The following GRM8 variants were observed in gnomAD, a reference collection of about 807,000 sequenced individuals.
The protein encoded by GRM8 is metabotropic glutamate receptor 8.
In GRM8, 47 loss-of-function variants were observed where a neutral mutation model predicts 87.2. The ratio of observed to expected loss-of-function variants is 0.54; its 90% CI spans 0.43 to 0.69. The LOEUF (loss-of-function observed/expected upper bound fraction) is 0.69, where lower values mean the gene tolerates loss of function less well. GRM8 is among the 30% of genes least tolerant of loss of function. GRM8 has a pLI of 0.00. For missense variants in GRM8, 1,019 were observed against 1,139.2 expected (o/e 0.89, Z 1.52); for synonymous variants, 396 against 404.5 (o/e 0.98, Z 0.25).
intron 3 of GRM8, among the ~76,000 whole-genome samples, chr7:127,102,778 CA>C (rs1235691473): frequency 6.6e-6 from 1 of 152,166 alleles, no homozygotes; most frequent in Non-Finnish European, 1.5e-5. Context: ...AGGGCAGTGT[CA>C]GGGGGAAATG....
At chr7:127,243,553 G>A (rs187071382) in intron 1 of GRM8, 38 bp from the exon 2 acceptor site, 20 of 223,778 alleles carry the variant, frequency 8.9e-5, no homozygotes, top group Admixed American at 2.6e-4. Context: ...AGTTCAGTGG[G>A]TCTACATGTT....
At chr7:126,552,064 T>C (rs1792650420) in intron 8 of GRM8, among the ~76,000 whole-genome samples, 1 of 152,166 alleles carries the variant, frequency 6.6e-6, no homozygotes, top group African/African-American at 2.4e-5. Context: ...GTTTTGCCTC[T>C]GCTTTGAAGA....
At chr7:126,620,504 T>C (rs897050905) in intron 7 of GRM8, among the ~76,000 whole-genome samples, 2 of 152,160 alleles carry the variant, frequency 1.3e-5, no homozygotes, top group African/African-American at 4.8e-5. Flanking sequence ...ATATATTCAA[T>C]GAAGGTTTTT....
At chr7:126,942,102 G>C (rs943019115) in intron 3 of GRM8, among the ~76,000 whole-genome samples, 1 of 152,162 alleles carries the variant, frequency 6.6e-6, no homozygotes, top group Non-Finnish European at 1.5e-5. Context: ...AAAAGAATCA[G>C]GCAGGAAAAC....
At chr7:126,528,449 A>G (rs1297540682) in intron 9 of GRM8, among the ~76,000 whole-genome samples, 5 of 152,196 alleles carry the variant, frequency 3.3e-5, no homozygotes, top group African/African-American at 1.2e-4. Context: ...AATCAAATAA[A>G]GTCCTTGCCC....
chr7:126,637,247 C>T (rs77104543), intron 7 of GRM8, among the ~76,000 whole-genome samples: 1,723 of 151,554 alleles, frequency 0.011, 40 homozygotes, highest in African/African-American at 0.039. Context: ...AATTTGGGTG[C>T]GAGGGAAGGA....
At chr7:126,803,057 T>C (rs147009268) in intron 6 of GRM8, among the ~76,000 whole-genome samples, 443 of 152,340 alleles carry the variant, frequency 2.9e-3, no homozygotes, top group African/African-American at 0.01. Flanking sequence ...GAGATCAGTT[T>C]CCAAATAGTC....
chr7:126,673,621 G>A (rs1163705277), intron 7 of GRM8, among the ~76,000 whole-genome samples: 1 of 152,162 alleles, frequency 6.6e-6, no homozygotes, highest in Non-Finnish European at 1.5e-5. Context: ...AGTGTAGCTT[G>A]CTATGCTTTT....
intron 7 of GRM8, among the ~76,000 whole-genome samples, chr7:126,630,309 T>C (rs931483870): frequency 4.6e-5 from 7 of 151,872 alleles, no homozygotes; most frequent in African/African-American, 1.4e-4. Flanking sequence ...ATTTAGAGAA[T>C]AAAAAGTTTT....
At chr7:126,693,863 AGT>A in intron 7 of GRM8, among the ~76,000 whole-genome samples, 1 of 152,176 alleles carries the variant, frequency 6.6e-6, no homozygotes, top group African/African-American at 2.4e-5. Context: ...ATATGTCTCA[AGT>A]TATGTTTCAT....
At chr7:126,914,981 G>A (rs907967004) in intron 3 of GRM8, among the ~76,000 whole-genome samples, 2 of 152,202 alleles carry the variant, frequency 1.3e-5, no homozygotes, top group Non-Finnish European at 2.9e-5. Flanking sequence ...TTGGCACAGA[G>A]AGCCCCTCTC....
chr7:126,461,879 C>T (rs1321115055), intron 9 of GRM8, among the ~76,000 whole-genome samples: 5 of 151,538 alleles, frequency 3.3e-5, no homozygotes, highest in Non-Finnish European at 7.4e-5. Context: ...TTGCATTTTC[C>T]TTTAAGTTAT....
At chr7:126,967,684 A>C (rs1427248287) in intron 3 of GRM8, among the ~76,000 whole-genome samples, 1 of 152,198 alleles carries the variant, frequency 6.6e-6, no homozygotes, top group Non-Finnish European at 1.5e-5. Context: ...TAAAATGTTC[A>C]ATCACATAAA....
At chr7:126,602,374 C>G (rs895710259) in intron 8 of GRM8, among the ~76,000 whole-genome samples, 1 of 131,260 alleles carries the variant, frequency 7.6e-6, no homozygotes, top group African/African-American at 2.6e-5. Context: ...CGTGATGCCT[C>G]CAGCTTTGTT....
chr7:126,502,589 G>A lies in GRM8; in HGVS notation c.2430+30363C>T, dbSNP rs190757626. Among the ~76,000 whole-genome samples the A allele has an allele frequency of 1.2e-4, 18 of 152,202 alleles. No individual in the cohort carries two copies. The East Asian group carries it at 3.5e-3, about 30-fold the overall frequency. ...TGGTTTATGTACTGAGATTGTTTCA[G>A]TAAAACTCTGCAGATACCTGGTGTT... On this transcript the variant is annotated intron_variant, in intron 9 of 10. Transcript: ENST00000339582.
intron 6 of GRM8, among the ~76,000 whole-genome samples, chr7:126,860,851 C>T (rs1798080205): frequency 6.6e-6 from 1 of 152,054 alleles, no homozygotes; most frequent in Non-Finnish European, 1.5e-5. Context: ...TTTATATATT[C>T]ATGTTCTGTT....
At chr7:126,934,205 T>C (rs2131469057) in intron 3 of GRM8, among the ~76,000 whole-genome samples, 1 of 152,310 alleles carries the variant, frequency 6.6e-6, no homozygotes, top group South Asian at 2.1e-4. Context: ...ATAGCTCTAG[T>C]ATATATTTAA....
At chr7:127,041,708 T>A (rs1272974749) in intron 3 of GRM8, among the ~76,000 whole-genome samples, 2 of 152,246 alleles carry the variant, frequency 1.3e-5, no homozygotes, top group African/African-American at 4.8e-5. Context: ...AATGAAGCTA[T>A]GTTCCGGAGA....
chr7:126,950,674 A>T (rs1286395130), intron 3 of GRM8, among the ~76,000 whole-genome samples: 2 of 152,114 alleles, frequency 1.3e-5, no homozygotes, highest in Non-Finnish European at 2.9e-5. Context: ...CATGTTCCAT[A>T]CCCCATGCTA....
Sources: allele counts gnomAD v4.1 joint callset (sites outside exome capture counted in the v4.1 genomes callset), GRCh38; gene constraint gnomAD v4.1.1; transcripts MANE v1.5; gene names NCBI Gene and HGNC (gene_info 2026-07-23, HGNC 2026-07-21).